The following FAM185A variants were observed in gnomAD, a reference collection of about 807,000 sequenced individuals.
The protein encoded by FAM185A is protein FAM185A.
Under a neutral mutation model 45.7 loss-of-function variants are expected in FAM185A, and 21 were observed. The ratio of observed to expected loss-of-function variants is 0.46; its 90% CI spans 0.33 to 0.66. FAM185A has a LOEUF of 0.66. Ranked by LOEUF, FAM185A falls within the 30% of genes least tolerant of loss-of-function variation. FAM185A has a pLI of 0.03. For synonymous variants in FAM185A, 117 were observed against 194.0 expected (o/e 0.60, Z 3.30); for missense variants, 305 against 485.4 (o/e 0.63, Z 3.49).
chr7:102,797,176 G>A (rs1409854182), intron 7 of FAM185A, among the ~76,000 whole-genome samples: 4 of 152,270 alleles, frequency 2.6e-5, no homozygotes, highest in Admixed American at 6.5e-5. Flanking sequence ...GTTAAAGAAC[G>A]TTGAGGCTGG....
At chr7:102,756,166 G>A (rs1212654119) in intron 2 of FAM185A, among the ~76,000 whole-genome samples, 4 of 151,568 alleles carry the variant, frequency 2.6e-5, no homozygotes, top group Non-Finnish European at 4.4e-5. Context: ...TGCCCACGCC[G>A]GAGTGCAGTA....
the FAM185A span, among the ~76,000 whole-genome samples, chr7:102,847,835 C>A: frequency 6.6e-6 from 1 of 151,960 alleles, no homozygotes; most frequent in Non-Finnish European, 1.5e-5. Flanking sequence ...AACCAACAAA[C>A]CAATTTTTAT....
At chr7:102,797,435 C>T (rs1796499925) in intron 7 of FAM185A, among the ~76,000 whole-genome samples, 1 of 152,112 alleles carries the variant, frequency 6.6e-6, no homozygotes, top group African/African-American at 2.4e-5. Flanking sequence ...GAGATCGCAC[C>T]ACTGCACTCC....
At chr7:102,839,456 G>T in the FAM185A span, among the ~76,000 whole-genome samples, 1 of 151,988 alleles carries the variant, frequency 6.6e-6, no homozygotes, top group Non-Finnish European at 1.5e-5. Flanking sequence ...TCAGTCTCTC[G>T]TCCCACCTGA....
chr7:102,763,061 G>A (rs62484877), intron 4 of FAM185A, among the ~76,000 whole-genome samples: 2,403 of 139,686 alleles, frequency 0.017, 55 homozygotes, highest in Non-Finnish European at 0.026. Flanking sequence ...TCTGTTCTCT[G>A]CAATGCTTTA....
chr7:102,754,910 T>G (rs140345623), intron 2 of FAM185A: 12,057 of 151,354 alleles, frequency 0.08, 296 homozygotes, highest in East Asian at 0.19. Flanking sequence ...TTTGGTTTTA[T>G]GTTTTTAAAA....
the FAM185A span, among the ~76,000 whole-genome samples, chr7:102,817,078 G>A: frequency 9.2e-5 from 14 of 152,270 alleles, no homozygotes; most frequent in African/African-American, 3.1e-4. Flanking sequence ...TACAACTGCA[G>A]GTGTCTTTTT....
the FAM185A span, among the ~76,000 whole-genome samples, chr7:102,844,797 G>C: frequency 6.6e-6 from 1 of 152,140 alleles, no homozygotes; most frequent in Non-Finnish European, 1.5e-5. Context: ...CAAGTCCCAG[G>C]TTGTCACTTG....
At chr7:102,831,817 T>C in the FAM185A span, among the ~76,000 whole-genome samples, 1 of 152,152 alleles carries the variant, frequency 6.6e-6, no homozygotes, top group African/African-American at 2.4e-5. Flanking sequence ...CTGTTTTCCT[T>C]ATCCATATGG....
chr7:102,828,002 G>A, the FAM185A span, among the ~76,000 whole-genome samples: 1 of 152,298 alleles, frequency 6.6e-6, no homozygotes, highest in South Asian at 2.1e-4. Context: ...AGTATAGTTT[G>A]AAGTCAGGTA....
the FAM185A span, among the ~76,000 whole-genome samples, chr7:102,847,680 C>G: frequency 6.6e-6 from 1 of 151,988 alleles, no homozygotes; most frequent in Non-Finnish European, 1.5e-5. Context: ...GTGTGCGCCA[C>G]TATGCCTGGC....
intron 2 of FAM185A, among the ~76,000 whole-genome samples, chr7:102,752,849 CT>C (rs1288396823): frequency 6.8e-6 from 1 of 146,468 alleles, no homozygotes; most frequent in East Asian, 2.0e-4. Flanking sequence ...AAACTTGATA[CT>C]TTTGTGAACT....
At chr7:102,828,191 A>C in the FAM185A span, among the ~76,000 whole-genome samples, 1 of 152,114 alleles carries the variant, frequency 6.6e-6, no homozygotes, top group Non-Finnish European at 1.5e-5. Context: ...CCATTTTCAC[A>C]ATATTGATTC....
Position 102,793,219 on chromosome 7 carries a change from T to C in FAM185A, c.1066+5750T>C, listed in dbSNP as rs560078660. 2.6e-5 allele frequency among the ~76,000 whole-genome samples: 4 copies of C among 152,168 alleles called. No individual in the cohort carries two copies. The East Asian group carries it at 7.7e-4, about 29-fold the overall frequency. On this transcript the variant is annotated intron_variant, in intron 7 of 7. Coordinates refer to ENST00000413034, the MANE Select transcript of FAM185A (RefSeq NM_001145268.2). ...TATGGTGTTTTTTTTTTGTTGTTGT[T>C]GTTGTTTTTTGAGACGGAGTCTCTC...
At chr7:102,847,833 A>G in the FAM185A span, among the ~76,000 whole-genome samples, 1 of 152,006 alleles carries the variant, frequency 6.6e-6, no homozygotes, top group Admixed American at 6.6e-5. Context: ...CCAACCAACA[A>G]ACCAATTTTT....
At chr7:102,786,164 TAA>T (rs1267272072) in intron 6 of FAM185A, among the ~76,000 whole-genome samples, 4 of 152,062 alleles carry the variant, frequency 2.6e-5, no homozygotes, top group Non-Finnish European at 5.9e-5. Flanking sequence ...TGGCGATCAT[TAA>T]AAAGTCAGGA....
chr7:102,769,603 T>C (rs951458333), intron 4 of FAM185A, among the ~76,000 whole-genome samples: 6 of 152,118 alleles, frequency 3.9e-5, no homozygotes, highest in African/African-American at 1.4e-4. Context: ...GTCTATCTTT[T>C]ATTGTTCAGG....
At chr7:102,826,747 A>G in the FAM185A span, among the ~76,000 whole-genome samples, 34 of 87,768 alleles carry the variant, frequency 3.9e-4, 1 homozygote, top group East Asian at 2.9e-3. Flanking sequence ...ATATATATAT[A>G]TATATATATA....
intron 7 of FAM185A, among the ~76,000 whole-genome samples, chr7:102,804,198 G>A (rs1186072077): frequency 2.0e-5 from 3 of 152,066 alleles, no homozygotes; most frequent in South Asian, 2.1e-4. Context: ...AAATTCATAT[G>A]GAACCAAAAA....
Sources: gnomAD v4.1 joint callset for allele counts (sites outside exome capture counted in the v4.1 genomes callset) on GRCh38, gnomAD v4.1.1 for gene constraint, MANE v1.5 for transcripts, NCBI Gene and HGNC (gene_info 2026-07-23, HGNC 2026-07-21) for gene names.